ARHGEF1: variants seen among roughly 807,000 people sequenced by gnomAD.
The protein encoded by ARHGEF1 is Rho guanine nucleotide exchange factor 1.
A neutral mutation model predicts 119.7 loss-of-function variants in ARHGEF1; 40 were observed. That is an observed-to-expected ratio of 0.33 (90% CI 0.26 to 0.44). ARHGEF1 has a LOEUF of 0.44. ARHGEF1 is among the 20% of genes least tolerant of loss of function. ARHGEF1 has a pLI of 1.00. For missense variants in ARHGEF1, 976 were observed against 1,268.3 expected, an observed-to-expected ratio of 0.77 and a Z score of 3.50; for synonymous variants, 494 against 521.0, an observed-to-expected ratio of 0.95 and a Z score of 0.71.
downstream of ARHGEF1, among the ~76,000 whole-genome samples, chr19:41,910,913 A>G (rs186495819): frequency 6.6e-6 from 1 of 151,894 alleles, no homozygotes; most frequent in East Asian, 1.9e-4. This position sits in a 1 kb window ranked among gnomAD's most constrained non-coding sequence, Gnocchi z 4.4. Context: ...ACAACCCCAC[A>G]GTGCACACCC....
At chr19:41,913,853 C>G (rs1280984178) in intron 18 of ARHGEF1, among the ~76,000 whole-genome samples, 1 of 150,986 alleles carries the variant, frequency 6.6e-6, no homozygotes, top group Non-Finnish European at 1.5e-5. Context: ...CGCAGACACA[C>G]GCTGCCCTCG....
In ARHGEF1 at chr19:41,904,462, C is replaced by T. The variant is rs958488045; in HGVS notation, c.2161+79C>T. 3.5e-6 allele frequency: 5 copies of T among 1,430,864 alleles called. No homozygotes were observed. In the South Asian group the frequency reaches 7.1e-5, roughly 20 times the overall value. 88.6% of individuals were successfully genotyped at this position (1,430,864 alleles called of 1,614,324 possible). A position where few individuals can be genotyped will look rare whatever the true frequency, so the allele number is the denominator to read the frequency against. ...CTGCCTGTGGAGTGGGGAGCAGAAC[C>T]CTCTAGAGAGCCAGGGAGCCAGCAT... On this transcript the variant is annotated intron_variant, in intron 22 of 28. Transcript: ENST00000354532. This position sits in a 1 kb window ranked among gnomAD's most constrained non-coding sequence, Gnocchi z 8.4.
rs1345461228 is a variant in ARHGEF1 at position 41,917,270 on chromosome 19, C to CTCTCTGTCTCTCTCTG, written c.1866-5813_1866-5798dup. Among the ~76,000 whole-genome samples the CTCTCTGTCTCTCTCTG allele has an allele frequency of 1.3e-5, 2 of 152,080 alleles. No individual in the cohort carries two copies. The highest frequency in any genetic ancestry group is 2.9e-5 in the Non-Finnish European group (2 of 68,000). Reference sequence around the variant, plus strand: ...CCCCCATCTCTCTCTCTGGGTGCATCTCTCTGTCTCTCTCTGTCTCTGTCC... The same window carrying CTCTCTGTCTCTCTCTG: ...CCCCCATCTCTCTCTCTGGGTGCATCTCTCTGTCTCTCTCTGTCTCTGTCTCTCTCTGTCTCTGTCC... On this transcript the variant is annotated intron_variant, in intron 18 of 20. Transcript: ENST00000599589. The surrounding 1 kb of genome is among the most constrained non-coding windows in gnomAD (Gnocchi z 4.8).
chr19:41,914,525 C>G (rs1477794318), intron 18 of ARHGEF1, among the ~76,000 whole-genome samples: 1 of 151,600 alleles, frequency 6.6e-6, no homozygotes, highest in Non-Finnish European at 1.5e-5. Flanking sequence ...ATGACTTTCT[C>G]CCCATCTCTG....
At position 41,917,040 on chromosome 19, in the gene ARHGEF1, C is replaced by T. The variant is rs1385073229; in HGVS notation, c.1866-6052C>T. Among the ~76,000 whole-genome samples, 1 of 152,102 alleles carries T rather than the reference C, an allele frequency of 6.6e-6. No homozygotes were observed. The highest frequency in any genetic ancestry group is 2.1e-4 in the South Asian group (1 of 4,818). Reference sequence around the variant, plus strand: ...TGTGTGTGTGTGCACATATGTGACACGTGCCCTTGTCTCAGACCTGCTTCT... The same window carrying T: ...TGTGTGTGTGTGCACATATGTGACATGTGCCCTTGTCTCAGACCTGCTTCT... On this transcript the variant is annotated intron_variant, in intron 18 of 20. Transcript: ENST00000599589. The surrounding 1 kb of genome is among the most constrained non-coding windows in gnomAD (Gnocchi z 4.8).
chr19:41,886,184 C>T (rs1466421396), intron 1 of ARHGEF1, among the ~76,000 whole-genome samples: 3 of 151,958 alleles, frequency 2.0e-5, no homozygotes, highest in Non-Finnish European at 4.4e-5. Context: ...TTGGAGTCAC[C>T]GAGAGGATTA....
chr19:41,887,849 A>G (rs2074316974), intron 1 of ARHGEF1, among the ~76,000 whole-genome samples: 1 of 152,096 alleles, frequency 6.6e-6, no homozygotes, highest in South Asian at 2.1e-4. Flanking sequence ...TGAGCCTCCA[A>G]CGCCTGCCCC....
In ARHGEF1 at chr19:41,892,794, G is replaced by A. The variant is rs1555846553; in HGVS notation, c.559G>A (p.Glu187Lys). 6.9e-6 allele frequency: 11 copies of A among 1,596,506 alleles called. No individual in the cohort carries two copies. The highest frequency in any genetic ancestry group is 5.0e-5 in the Admixed American group (3 of 59,544). ...GGTTGGGCGGGACCGAGCCAGCTAC[G>A]AGGCCCGGGAGCGGCACGTGGCGGA... Reference protein sequence around the residue: ...AWVGRDRASYEARERHVAERL... With the variant: ...AWVGRDRASYKARERHVAERL... Residue 187 changes from glutamate (E) to lysine (K), a missense_variant, in exon 7 of 29, where the codon GAG becomes AAG. Physicochemically the swap from Glu to Lys is moderately conservative, Grantham distance 56. This residue lies in a region of ARHGEF1 where 519 missense variants were observed against 580.9 expected (regional missense o/e 0.89). Coordinates refer to ENST00000354532, the MANE Select transcript of ARHGEF1 (RefSeq NM_004706.4). The surrounding 1 kb of genome is among the most constrained non-coding windows in gnomAD (Gnocchi z 6.3).
chr19:41,913,671 A>G (rs2074768058), intron 18 of ARHGEF1, among the ~76,000 whole-genome samples: 1 of 144,648 alleles, frequency 6.9e-6, no homozygotes, highest in Non-Finnish European at 1.5e-5. Context: ...TTCCCCTCAC[A>G]TCTGCCTCCC....
chr19:41,912,932 C>T, intron 18 of ARHGEF1: 4 of 1,226,752 alleles, frequency 3.3e-6, no homozygotes, highest in Non-Finnish European at 4.1e-6. Context: ...CGGAGCCGGC[C>T]CTGCAGAGGC....
intron 4 of ARHGEF1, among the ~76,000 whole-genome samples, chr19:41,890,977 G>A (rs2074367892): frequency 6.6e-6 from 1 of 152,140 alleles, no homozygotes; most frequent in Non-Finnish European, 1.5e-5. Flanking sequence ...TCATTTCCCA[G>A]ATGAGAGCCC....
Position 41,903,560 on chromosome 19 carries a change from T to C in ARHGEF1, c.1840-147T>C, listed in dbSNP as rs2074639619. 13 of 1,098,454 alleles carry C rather than the reference T, an allele frequency of 1.2e-5. No homozygotes were observed. In the East Asian group the frequency reaches 3.3e-4, roughly 28 times the overall value. 68.0% of individuals were successfully genotyped at this position (1,098,454 alleles called of 1,614,324 possible). A position where few individuals can be genotyped will look rare whatever the true frequency, so the allele number is the denominator to read the frequency against. On this transcript the variant is annotated intron_variant, in intron 19 of 28. Coordinates refer to ENST00000354532, the MANE Select transcript of ARHGEF1 (RefSeq NM_004706.4). The surrounding 1 kb of genome is among the most constrained non-coding windows in gnomAD (Gnocchi z 4.2). ...AGGGGTTGGCTTGGCCCTCAGCATC[T>C]CCCTCTCAGGGTCATTGGAGGTCAG...
In ARHGEF1 at chr19:41,888,106, G is replaced by A. The variant is rs781829168; in HGVS notation, c.24G>A (p.Ala8=). 6.8e-6 allele frequency: 11 copies of A among 1,613,872 alleles called. No individual in the cohort carries two copies. The highest frequency in any genetic ancestry group is 1.7e-4 in the Middle Eastern group (1 of 5,920). MEDFARG[A]ASPGPSRPGL... ...AGATGGAAGACTTCGCCCGAGGGGC[G>A]GTGAGTGGACAGAGCAAGGGGTGAG... is the stretch of plus-strand genomic sequence containing the variant. Residue 8 remains alanine (A), a splice_region_variant and synonymous_variant, in exon 2 of 29, where the codon GCG becomes GCA. Coordinates refer to ENST00000354532, the MANE Select transcript of ARHGEF1 (RefSeq NM_004706.4). The surrounding 1 kb of genome is among the most constrained non-coding windows in gnomAD (Gnocchi z 5.1).
chr19:41,888,372 T>A lies in ARHGEF1; in HGVS notation c.111+94T>A. ...TGCAGATGCTGTCTTCTTGGCCTTT[T>A]CCCACGGTCTGTCTCATCCTCTCAT... On this transcript the variant is annotated intron_variant, in intron 3 of 28. Transcript: ENST00000354532. This position sits in a 1 kb window ranked among gnomAD's most constrained non-coding sequence, Gnocchi z 5.1. 2.3e-6 allele frequency: 3 copies of A among 1,283,470 alleles called. No homozygotes were observed. The highest frequency in any genetic ancestry group is 3.3e-6 in the Non-Finnish European group (3 of 908,416). The allele number at this position is 1,283,470 out of a possible 1,614,324, so 79.5% of individuals were successfully genotyped here. A position where few individuals can be genotyped will look rare whatever the true frequency, so the allele number is the denominator to read the frequency against.
Position 41,898,446 on chromosome 19 carries a change from G to A in ARHGEF1, c.1126G>A (p.Glu376Lys), listed in dbSNP as rs781879928. 125 of 1,547,232 alleles carry A rather than the reference G, an allele frequency of 8.1e-5. No homozygotes were observed. Among genetic ancestry groups the A allele is most frequent in the Non-Finnish European group, 1.0e-4 (118 of 1,145,494 alleles). Residue 376 changes from glutamate to lysine, a missense_variant, in exon 14 of 29, where the codon GAG (glutamate) becomes AAG (lysine). Glu to Lys is a moderately conservative substitution (Grantham distance 56). This residue lies in a region of ARHGEF1 where 519 missense variants were observed against 580.9 expected (regional missense o/e 0.89). Coordinates refer to ENST00000354532, the MANE Select transcript of ARHGEF1 (RefSeq NM_004706.4). ...TAACAAGGCCTCTGTCCACAGCCCCGAGCCTGGAGATGAGGGGGAGCCGGG... is the reference window on the plus strand; with the variant it reads ...TAACAAGGCCTCTGTCCACAGCCCCAAGCCTGGAGATGAGGGGGAGCCGGG... The part of the protein sequence containing the change: ...TDEGAETESP[E>K]PGDEGEPGRS...
At chr19:41,928,022 G>C (rs1390700389) in intron 1 of ARHGEF1, 3 of 152,124 alleles carry the variant, frequency 2.0e-5, no homozygotes, top group African/African-American at 7.2e-5. Flanking sequence ...CCCTGCGCCG[G>C]CCGCGGCGCT....
rs781889727 is a variant in ARHGEF1 at position 41,889,129 on chromosome 19, G to A, written c.225+264G>A. On this transcript the variant is annotated intron_variant, in intron 4 of 28. Coordinates refer to ENST00000354532, the MANE Select transcript of ARHGEF1 (RefSeq NM_004706.4). This position sits in a 1 kb window ranked among gnomAD's most constrained non-coding sequence, Gnocchi z 4.0. ...TCAGGACCCCGCGGAGCCACAGAGA[G>A]TCCAGCAGCCTGGCAGAAACCACAT... 2.1e-4 allele frequency: 78 copies of A among 375,120 alleles called. No individual in the cohort carries two copies. Among genetic ancestry groups the A allele is most frequent in the Non-Finnish European group, 3.2e-4 (66 of 203,916 alleles). The allele number at this position is 375,120 out of a possible 1,614,324, so 23.2% of individuals were successfully genotyped here. A position where few individuals can be genotyped will look rare whatever the true frequency, so the allele number is the denominator to read the frequency against.
intron 13 of ARHGEF1, 108 bp downstream of exon 13, chr19:41,896,590 C>A: frequency 1.2e-6 from 1 of 864,920 alleles, no homozygotes; most frequent in Non-Finnish European, 1.9e-6. Flanking sequence ...GCTCTTGCTC[C>A]CCATGCTCCT....
upstream of ARHGEF1, among the ~76,000 whole-genome samples, chr19:41,922,871 T>C (rs2074850388): frequency 6.6e-6 from 1 of 152,206 alleles, no homozygotes; most frequent in African/African-American, 2.4e-5. Flanking sequence ...GATCGATCCC[T>C]GTCCCCAGCC....
Sources: gnomAD v4.1 joint callset for allele counts (sites outside exome capture counted in the v4.1 genomes callset) on GRCh38, gnomAD v4.1.1 for gene constraint, gnomAD v4.1.1 regional missense constraint, Gnocchi (gnomAD v3.1) non-coding constraint, MANE v1.5 for transcripts, NCBI Gene and HGNC (gene_info 2026-07-23, HGNC 2026-07-21) for gene names.